The following AFF3 variants were observed in gnomAD, a reference collection of about 807,000 sequenced individuals.
AFF3 encodes the protein AF4/FMR2 family member 3.
In AFF3, 32 loss-of-function variants were observed where a neutral mutation model predicts 129.7. The ratio of observed to expected loss-of-function variants is 0.25; its 90% CI spans 0.19 to 0.33. The LOEUF is 0.33. Ranked by LOEUF, AFF3 falls within the 10% of genes least tolerant of loss-of-function variation. The pLI is 1.00. For synonymous variants in AFF3, 644 were observed against 635.4 expected (o/e 1.01, Z -0.20); for missense variants, 1,373 against 1,592.0 (o/e 0.86, Z 2.34).
chr2:99,845,953 C>T (rs1191163264), intron 7 of AFF3, among the ~76,000 whole-genome samples: 2 of 152,106 alleles, frequency 1.3e-5, no homozygotes. Context: ...CTGCCTCAGC[C>T]TCCCGAGTAG....
At chr2:100,118,882 C>T (rs2105550440) in intron 2 of AFF3, among the ~76,000 whole-genome samples, 1 of 151,784 alleles carries the variant, frequency 6.6e-6, no homozygotes, top group South Asian at 2.1e-4. Context: ...TCCCAGCTCA[C>T]TGCAGCCTCT....
intron 8 of AFF3, among the ~76,000 whole-genome samples, chr2:99,800,164 T>C (rs1490538268): frequency 6.6e-6 from 1 of 152,134 alleles, no homozygotes; most frequent in African/African-American, 2.4e-5. Flanking sequence ...AGAGAAGATA[T>C]TTGCAAAGTA....
intron 4 of AFF3, among the ~76,000 whole-genome samples, chr2:100,062,464 C>T (rs1333812888): frequency 6.6e-6 from 1 of 152,032 alleles, no homozygotes; most frequent in Non-Finnish European, 1.5e-5. Flanking sequence ...CAGTAACAAC[C>T]AAAAATCCCT....
intron 11 of AFF3, among the ~76,000 whole-genome samples, chr2:99,701,992 C>T (rs925361234): frequency 3.3e-5 from 5 of 152,204 alleles, no homozygotes; most frequent in South Asian, 2.1e-4. Context: ...ATGTATTAAC[C>T]GTTCATTCCT....
chr2:99,609,479 C>T (rs904673807), intron 13 of AFF3, among the ~76,000 whole-genome samples: 3 of 152,144 alleles, frequency 2.0e-5, no homozygotes, highest in Non-Finnish European at 2.9e-5. Flanking sequence ...GAACACACGA[C>T]GCTTGATTTT....
chr2:99,754,145 G>C (rs1021010737), intron 8 of AFF3, among the ~76,000 whole-genome samples: 12 of 152,164 alleles, frequency 7.9e-5, no homozygotes, highest in Non-Finnish European at 1.5e-5. Flanking sequence ...CAAGGTTTCT[G>C]ATTTTATCCT....
intron 8 of AFF3, among the ~76,000 whole-genome samples, chr2:99,787,955 T>C (rs1347913582): frequency 6.6e-6 from 1 of 152,184 alleles, no homozygotes; most frequent in African/African-American, 2.4e-5. Context: ...AATGACAGAC[T>C]GCATATATGA....
At chr2:100,088,588 TC>T (rs1689629909) in intron 4 of AFF3, among the ~76,000 whole-genome samples, 1 of 149,368 alleles carries the variant, frequency 6.7e-6, no homozygotes, top group South Asian at 2.2e-4. Context: ...AAGGAAAGCT[TC>T]CTTTGTTTAC....
chr2:100,056,694 G>A (rs1686816668), intron 4 of AFF3, among the ~76,000 whole-genome samples: 1 of 152,132 alleles, frequency 6.6e-6, no homozygotes, highest in South Asian at 2.1e-4. Flanking sequence ...TAGAAGTTGA[G>A]CAGTTCTGTT....
At chr2:99,965,271 C>T (rs1274139560) in intron 7 of AFF3, among the ~76,000 whole-genome samples, 1 of 152,134 alleles carries the variant, frequency 6.6e-6, no homozygotes, top group African/African-American at 2.4e-5. Flanking sequence ...AGAAACCATG[C>T]TAACAAAGAA....
intron 4 of AFF3, among the ~76,000 whole-genome samples, chr2:100,019,100 G>C (rs1306679992): frequency 1.3e-5 from 2 of 152,146 alleles, no homozygotes; most frequent in Non-Finnish European, 2.9e-5. Flanking sequence ...AGTCAGAAGG[G>C]AGAAGGGTGT....
intron 20 of AFF3, among the ~76,000 whole-genome samples, chr2:99,563,808 C>T (rs1362778589): frequency 1.9e-5 from 1 of 51,286 alleles, no homozygotes; most frequent in Non-Finnish European, 3.9e-5. Flanking sequence ...GAAATTTAGT[C>T]TCAAAAAAAA....
At chr2:99,900,208 T>C (rs979468559) in intron 7 of AFF3, among the ~76,000 whole-genome samples, 1 of 152,166 alleles carries the variant, frequency 6.6e-6, no homozygotes, top group African/African-American at 2.4e-5. Context: ...TACCATCTCA[T>C]GATGAAACAA....
At chr2:99,839,039 T>C (rs1249407864) in intron 7 of AFF3, among the ~76,000 whole-genome samples, 4 of 152,068 alleles carry the variant, frequency 2.6e-5, no homozygotes, top group African/African-American at 9.7e-5. Context: ...TATCCAAGTC[T>C]CCCACCTGAG....
At chr2:99,697,082 C>T (rs1436651671) in intron 11 of AFF3, among the ~76,000 whole-genome samples, 1 of 152,232 alleles carries the variant, frequency 6.6e-6, no homozygotes. Context: ...CATCAAGTCT[C>T]TTAATCCAAC....
chr2:99,617,069 G>A (rs563780192), intron 13 of AFF3, among the ~76,000 whole-genome samples: 4 of 152,304 alleles, frequency 2.6e-5, no homozygotes, highest in Admixed American at 1.3e-4. Flanking sequence ...GCTGATGGAC[G>A]TCGGATTGTT....
chr2:99,595,681 T>C (rs1575460979), intron 14 of AFF3, among the ~76,000 whole-genome samples: 1 of 152,340 alleles, frequency 6.6e-6, no homozygotes, highest in African/African-American at 2.4e-5. Flanking sequence ...CTCAGGGCTC[T>C]TGGCCTCACC....
At chr2:99,685,984 C>T (rs1025683771) in intron 11 of AFF3, among the ~76,000 whole-genome samples, 3 of 151,760 alleles carry the variant, frequency 2.0e-5, no homozygotes, top group Admixed American at 6.6e-5. Flanking sequence ...GTCAGGAGAT[C>T]GAGACCATCC....
chr2:100,011,701 G>A (rs1682566260), intron 4 of AFF3: 1 of 685,478 alleles, frequency 1.5e-6, no homozygotes, highest in Admixed American at 2.1e-5. Context: ...GATCCCGGAG[G>A]GTCAGAACGG....
Sources: gnomAD v4.1 joint callset for allele counts (sites outside exome capture counted in the v4.1 genomes callset) on GRCh38, gnomAD v4.1.1 for gene constraint, MANE v1.5 for transcripts, NCBI Gene and HGNC (gene_info 2026-07-23, HGNC 2026-07-21) for gene names.